Variants in APC observed in about 807,000 individuals in gnomAD.
The protein encoded by APC is adenomatous polyposis coli protein.
A neutral mutation model predicts 247.0 loss-of-function variants in APC; 72 were observed. The observed-to-expected ratio is 0.29, with a 90% CI of 0.24 to 0.35. The LOEUF (loss-of-function observed/expected upper bound fraction) is 0.35, where lower values mean the gene tolerates loss of function less well. APC is among the 10% of genes least tolerant of loss of function. The pLI is 1.00. For synonymous variants in APC, 1,254 were observed against 1,162.5 expected (o/e 1.08, Z -1.60); for missense variants, 3,400 against 3,360.7 (o/e 1.01, Z -0.29).
intron 13 of APC, 34 bp downstream of exon 13, chr5:112,828,040 T>C (rs751064873): frequency 1.9e-6 from 3 of 1,582,300 alleles, no homozygotes; most frequent in Non-Finnish European, 2.6e-6. Context: ...TTTTCTTTTT[T>C]CTCTTTTTCT....
intron 2 of APC, among the ~76,000 whole-genome samples, chr5:112,760,977 TTTTTTGTA>T (rs750163824): frequency 1.3e-4 from 20 of 152,186 alleles, no homozygotes; most frequent in Non-Finnish European, 2.9e-4. Flanking sequence ...GCCTGGCTAA[TTTTTTGTA>T]TTTTTAGTAG....
At chr5:112,770,461 C>G (rs1280464515) in intron 4 of APC, among the ~76,000 whole-genome samples, 1 of 152,002 alleles carries the variant, frequency 6.6e-6, no homozygotes, top group Non-Finnish European at 1.5e-5. Context: ...GAAAAGACGT[C>G]TTGTTTTTGT....
intron 1 of APC, among the ~76,000 whole-genome samples, chr5:112,751,936 A>G (rs369316119): frequency 6.8e-4 from 103 of 152,166 alleles, no homozygotes; most frequent in African/African-American, 2.3e-3. Context: ...AAGAATGGGT[A>G]TTAAATTTGT....
At chr5:112,770,447 T>C (rs1756909863) in intron 4 of APC, among the ~76,000 whole-genome samples, 1 of 152,198 alleles carries the variant, frequency 6.6e-6, no homozygotes, top group Admixed American at 6.5e-5. Flanking sequence ...CTGTTGTTAC[T>C]GTAGAAAAGA....
chr5:112,754,732 GT>G (rs1355778737), intron 1 of APC, 140 bp from the exon 2 acceptor site: 1 of 716,386 alleles, frequency 1.4e-6, no homozygotes, highest in Non-Finnish European at 2.3e-6. Context: ...GAACAATATT[GT>G]TTTGAGACCA....
chr5:112,757,730 TCTC>T (rs1463419072), intron 2 of APC, among the ~76,000 whole-genome samples: 2 of 151,760 alleles, frequency 1.3e-5, no homozygotes, highest in Non-Finnish European at 2.9e-5. Context: ...AAAAAGTAGG[TCTC>T]CTCCAACCGG....
chr5:112,762,449 G>C (rs1755780010), intron 2 of APC, among the ~76,000 whole-genome samples: 1 of 152,168 alleles, frequency 6.6e-6, no homozygotes, highest in South Asian at 2.1e-4. Context: ...GCCCCTTTAA[G>C]AGGAGAAAGG....
At chr5:112,831,626 A>G (rs1282307856) in intron 14 of APC, among the ~76,000 whole-genome samples, 3 of 152,182 alleles carry the variant, frequency 2.0e-5, no homozygotes, top group East Asian at 1.9e-4. Flanking sequence ...GCTCCCCTGC[A>G]TGTTCCACAT....
intron 13 of APC, among the ~76,000 whole-genome samples, chr5:112,828,481 C>A (rs1763949040): frequency 6.6e-6 from 1 of 150,664 alleles, no homozygotes; most frequent in Non-Finnish European, 1.5e-5. Context: ...AAAACAGGAT[C>A]TCCCTCTCTT....
chr5:112,710,620 C>T (rs1750797566), intron 1 of APC, among the ~76,000 whole-genome samples: 1 of 152,070 alleles, frequency 6.6e-6, no homozygotes, highest in Non-Finnish European at 1.5e-5. Context: ...GGAGGACGTT[C>T]TAAAGCTTGA....
chr5:112,797,258 C>T (rs866256448), intron 7 of APC, among the ~76,000 whole-genome samples: 20 of 151,182 alleles, frequency 1.3e-4, no homozygotes, highest in South Asian at 4.1e-4. Flanking sequence ...AACAAAACCA[C>T]TTTTTACAAT....
At chr5:112,815,417 T>A in intron 8 of APC, 78 bp from the exon 9 acceptor site, 1 of 1,010,314 alleles carries the variant, frequency 9.9e-7, no homozygotes, top group Middle Eastern at 2.1e-4. Context: ...GACACTTCAT[T>A]TGGAGTACCT....
chr5:112,784,104 G>C (rs1002673295), intron 6 of APC, among the ~76,000 whole-genome samples: 1 of 152,008 alleles, frequency 6.6e-6, no homozygotes, highest in Non-Finnish European at 1.5e-5. Context: ...GTCTTGCTCT[G>C]TCACACAGGC....
At chr5:112,732,794 T>C (rs1752162897) in intron 1 of APC, among the ~76,000 whole-genome samples, 1 of 152,180 alleles carries the variant, frequency 6.6e-6, no homozygotes, top group East Asian at 1.9e-4. Context: ...AGGAGATGAA[T>C]TGATTCTAGG....
chr5:112,742,995 C>G (rs1753219816), intron 1 of APC, among the ~76,000 whole-genome samples: 1 of 152,186 alleles, frequency 6.6e-6, no homozygotes, highest in South Asian at 2.1e-4. Flanking sequence ...TATTATCTTG[C>G]AGTCCTGGAG....
At chr5:112,828,639 A>G (rs1365741339) in intron 13 of APC, among the ~76,000 whole-genome samples, 2 of 151,950 alleles carry the variant, frequency 1.3e-5, no homozygotes, top group Non-Finnish European at 2.9e-5. Context: ...TCATAGAGAC[A>G]GGGTCTCACT....
chr5:112,730,952 C>G (rs772256022), intron 1 of APC, among the ~76,000 whole-genome samples: 1 of 151,938 alleles, frequency 6.6e-6, no homozygotes, highest in Non-Finnish European at 1.5e-5. Context: ...GATGTTTTAT[C>G]TCTCTCTGCT....
In APC at chr5:112,767,287, T is replaced by G. The variant is rs1485866385; in HGVS notation, c.319T>G (p.Ser107Ala). 1.2e-6 allele frequency: 2 copies of G among 1,614,034 alleles called. No homozygotes were observed. Among genetic ancestry groups the G allele is most frequent in the African/African-American group, 2.7e-5 (2 of 74,926 alleles). The change falls in exon 4 of 16, where the codon TCT (serine) becomes GCT (alanine). Residue 107 changes from serine (S) to alanine (A), a missense_variant. Around this residue, in one of 9 missense-constraint regions of APC, gnomAD observed 372 missense variants for 367.6 expected, o/e 1.01. Coordinates refer to ENST00000257430, the MANE Select transcript of APC (RefSeq NM_000038.6). ...CCGGGAAGGATCTGTATCAAGCCGT[T>G]CTGGAGAGTGCAGTCCTGTTCCTAT... The part of the protein sequence containing the change: ...GSREGSVSSR[S>A]GECSPVPMGS...
chr5:112,829,141 C>T, intron 14 of APC, 169 bp downstream of exon 14: 1 of 561,342 alleles, frequency 1.8e-6, no homozygotes, highest in Admixed American at 3.0e-5. Context: ...CCATGAGATT[C>T]CCTAATTTCT....
Sources: gnomAD v4.1 joint callset for allele counts (sites outside exome capture counted in the v4.1 genomes callset) on GRCh38, gnomAD v4.1.1 for gene constraint, gnomAD v4.1.1 regional missense constraint, MANE v1.5 for transcripts, NCBI Gene and HGNC (gene_info 2026-07-23, HGNC 2026-07-21) for gene names.